The following SLC29A4 variants were observed in gnomAD, a reference collection of about 807,000 sequenced individuals.
SLC29A4 encodes the protein equilibrative nucleoside transporter 4.
A neutral mutation model predicts 43.9 loss-of-function variants in SLC29A4; 36 were observed. The observed-to-expected ratio is 0.82, with a 90% CI of 0.63 to 1.08. The LOEUF (loss-of-function observed/expected upper bound fraction) is 1.08, where lower values mean the gene tolerates loss of function less well. SLC29A4 is among the 50% of genes least tolerant of loss of function. SLC29A4 has a pLI of 0.00. For missense variants in SLC29A4, 869 were observed against 755.3 expected (o/e 1.15, Z -1.77); for synonymous variants, 491 against 338.0 (o/e 1.45, Z -4.97).
At chr7:5,297,579 C>T (rs1785799616) in intron 7 of SLC29A4, among the ~76,000 whole-genome samples, 3 of 152,246 alleles carry the variant, frequency 2.0e-5, no homozygotes, top group South Asian at 2.1e-4. Flanking sequence ...CCTGGCTGCG[C>T]CAACCCACGT....
chr7:5,292,523 C>T (rs979155922), intron 5 of SLC29A4, among the ~76,000 whole-genome samples: 5 of 152,014 alleles, frequency 3.3e-5, no homozygotes, highest in African/African-American at 4.8e-5. Flanking sequence ...CTCCCCCTCT[C>T]CCTCCACCCC....
intron 6 of SLC29A4, among the ~76,000 whole-genome samples, chr7:5,295,830 G>C (rs114517857): frequency 2.0e-5 from 3 of 152,118 alleles, no homozygotes; most frequent in South Asian, 2.1e-4. Context: ...GTGGCCGAGC[G>C]AGAGAGGGTG....
Position 5,295,957 on chromosome 7 carries a change from C to T in SLC29A4, c.620-979C>T, listed in dbSNP as rs114091752. Among the ~76,000 whole-genome samples the T allele has an allele frequency of 3.9e-3, 596 of 152,242 alleles. 6 individuals carry two copies. The highest frequency in any genetic ancestry group is 0.013 in the African/African-American group (541 of 41,578). ...GGTGGCCCACCATGGCCCACCATGGCCCTGACCCACCCTGCCTCACACTGG... is the reference window on the plus strand; with the variant it reads ...GGTGGCCCACCATGGCCCACCATGGTCCTGACCCACCCTGCCTCACACTGG... On this transcript the variant is annotated intron_variant, in intron 6 of 10. Transcript: ENST00000396872.
rs774237646 is a variant in SLC29A4, at chr7:5,294,950, C to T, written c.619+16C>T. ...ACCGGGGAGAGTGAGTATCTGCAGACCCCCCGGGGAGGGGGTGCTGGGCTG... is the reference window on the plus strand; with the variant it reads ...ACCGGGGAGAGTGAGTATCTGCAGATCCCCCGGGGAGGGGGTGCTGGGCTG... On this transcript the variant is annotated intron_variant, in intron 6 of 10. Coordinates refer to ENST00000396872, the MANE Select transcript of SLC29A4 (RefSeq NM_153247.4). 6.3e-7 allele frequency: 1 copy of T among 1,596,752 alleles called. No individual in the cohort carries two copies. Among genetic ancestry groups the T allele is most frequent in the Admixed American group, 1.7e-5 (1 of 57,640 alleles).
chr7:5,300,445 C>T lies in SLC29A4; in HGVS notation c.1233C>T (p.Asp411=). The T allele has an allele frequency of 1.2e-6, 2 of 1,611,346 alleles. No homozygotes were observed. Among genetic ancestry groups the T allele is most frequent in the Non-Finnish European group, 1.7e-6 (2 of 1,179,728 alleles). ...VGKILAALPV[D]WRGTHLLACS... is the part of the protein sequence containing the mutation. ...AGATCCTGGCAGCCCTGCCCGTGGA[C>T]TGGCGGGGCACCCACCTGCTGGCCT... Residue 411 remains aspartate (D), a synonymous_variant, in exon 10 of 11, where the codon GAC becomes GAT. Coordinates refer to ENST00000396872, the MANE Select transcript of SLC29A4 (RefSeq NM_153247.4).
Position 5,300,429 on chromosome 7 carries a change from C to T in SLC29A4, c.1217C>T (p.Ala406Val). ...NLSDFVGKIL[A>V]ALPVDWRGTH... ...TTGCCTGGCTCTCTGCAGATCCTGG[C>T]AGCCCTGCCCGTGGACTGGCGGGGC... The change falls in exon 10 of 11, where the codon GCA becomes GTA. Residue 406 changes from alanine (A) to valine (V), a missense_variant. Transcript: ENST00000396872. 3 of 1,611,270 alleles carry T rather than the reference C, an allele frequency of 1.9e-6. No individual in the cohort carries two copies. The highest frequency in any genetic ancestry group is 2.5e-6 in the Non-Finnish European group (3 of 1,179,678).
At chr7:5,283,874 T>G (rs1182572617) in intron 1 of SLC29A4, among the ~76,000 whole-genome samples, 2 of 152,214 alleles carry the variant, frequency 1.3e-5, no homozygotes, top group East Asian at 3.9e-4. Context: ...CCTTCCTGGC[T>G]GGCCGGAGGA....
At position 5,294,900 on chromosome 7, in the gene SLC29A4, C is replaced by G; in HGVS notation, c.585C>G (p.Pro195=). The G allele has an allele frequency of 6.2e-7, 1 of 1,611,300 alleles. No homozygotes were observed. The highest frequency in any genetic ancestry group is 8.5e-7 in the Non-Finnish European group (1 of 1,179,230). Reference sequence around the variant, plus strand: ...TCTACGGGTACACGGGGATGCTGCCCAAGCGGTACACGCAGGGGGTGATGA... The same window carrying G: ...TCTACGGGTACACGGGGATGCTGCCGAAGCGGTACACGCAGGGGGTGATGA... ...SSFYGYTGML[P]KRYTQGVMTG... Residue 195 remains proline (P), a synonymous_variant, in exon 6 of 11, where the codon CCC becomes CCG. Transcript: ENST00000396872.
chr7:5,288,848 C>T lies in SLC29A4; in HGVS notation c.169+863C>T, dbSNP rs182649536. Among the ~76,000 whole-genome samples, 55 of 152,274 alleles carry T rather than the reference C, an allele frequency of 3.6e-4. 1 individual carries two copies. In the East Asian group the frequency reaches 9.1e-3, roughly 25 times the overall value. Reference sequence around the variant, plus strand: ...TCAGACTTGCAGAGTGGACAGCCCACAGGCTTGGAGTCTGACAGGCTCGGG... The same window carrying T: ...TCAGACTTGCAGAGTGGACAGCCCATAGGCTTGGAGTCTGACAGGCTCGGG... On this transcript the variant is annotated intron_variant, in intron 2 of 10. Transcript: ENST00000396872.
rs557099380 is a variant in SLC29A4, at chr7:5,290,902, C to T, written c.301+39C>T. 4 of 1,580,958 alleles carry T rather than the reference C, an allele frequency of 2.5e-6. No homozygotes were observed. In the South Asian group the frequency reaches 4.6e-5, roughly 18 times the overall value. On this transcript the variant is annotated intron_variant, in intron 3 of 10. Coordinates refer to ENST00000396872, the MANE Select transcript of SLC29A4 (RefSeq NM_153247.4). ...CGGTCACGCCCAGCCACTCAGCATC[C>T]TCCATCATGGCCTGGGGCCTCCCAG...
intron 3 of SLC29A4, 55 bp from the exon 4 acceptor site, chr7:5,291,069 G>A: frequency 6.3e-7 from 1 of 1,592,862 alleles, no homozygotes; most frequent in Non-Finnish European, 8.6e-7. Context: ...CCTGGCAGGA[G>A]TCAGTGCAGG....
chr7:5,297,120 C>A lies in SLC29A4; in HGVS notation c.804C>A (p.Ser268Arg). Residue 268 changes from serine to arginine, a missense_variant, in exon 7 of 11, where the codon AGC becomes AGA. Coordinates refer to ENST00000396872, the MANE Select transcript of SLC29A4 (RefSeq NM_153247.4). ...VLFYTTRPRD[S>R]HRGRPGLGRG... The stretch of plus-strand genomic sequence containing the variant: ...TCTATACCACACGGCCGCGTGACAG[C>A]CACCGGGGCAGGCCAGGCCTGGGCA... 6.2e-7 allele frequency: 1 copy of A among 1,606,728 alleles called. No individual in the cohort carries two copies. Among genetic ancestry groups the A allele is most frequent in the Non-Finnish European group, 8.5e-7 (1 of 1,179,630 alleles).
chr7:5,289,465 C>A (rs892279769), intron 2 of SLC29A4, among the ~76,000 whole-genome samples: 1 of 152,132 alleles, frequency 6.6e-6, no homozygotes, highest in East Asian at 1.9e-4. Flanking sequence ...TCAGGAAGGT[C>A]ATGGACAGTC....
chr7:5,287,704 A>C (rs1183947970), intron 1 of SLC29A4, 105 bp from the exon 2 acceptor site: 4 of 1,194,940 alleles, frequency 3.3e-6, no homozygotes, highest in Non-Finnish European at 4.7e-6. Context: ...AGTGTGACCA[A>C]AGTGACATGT....
At chr7:5,283,176 C>T (rs1050027863) in intron 1 of SLC29A4, 94 bp downstream of exon 1, 6 of 149,428 alleles carry the variant, frequency 4.0e-5, no homozygotes, top group African/African-American at 1.5e-4. Flanking sequence ...CCCCTCCCGC[C>T]CGCCCGGGCG....
At chr7:5,286,274 T>C (rs779135613) in intron 1 of SLC29A4, among the ~76,000 whole-genome samples, 4 of 151,768 alleles carry the variant, frequency 2.6e-5, no homozygotes, top group South Asian at 2.1e-4. Flanking sequence ...CCTGTAATCC[T>C]AGCACTTTGG....
chr7:5,306,187 A>ATTTGTTTT lies in SLC29A4; in HGVS notation c.*3251_*3252insGTTTTTTT, dbSNP rs1333210739. 2.6e-5 allele frequency: 3 copies of ATTTGTTTT among 117,582 alleles called. No individual in the cohort carries two copies. The highest frequency in any genetic ancestry group is 2.7e-4 in the South Asian group (1 of 3,656). The allele number at this position is 117,582 out of a possible 1,614,324, so 7.3% of individuals were successfully genotyped here. On this transcript the variant is annotated 3_prime_UTR_variant, in exon 11 of 11. Coordinates refer to ENST00000396872, the MANE Select transcript of SLC29A4 (RefSeq NM_153247.4). ...ATTTTTTCTCATGTAAATTTGTTCAATTTCTTTTTTTTTTTTTTTTTTTTT... is the reference window on the plus strand; with the variant it reads ...ATTTTTTCTCATGTAAATTTGTTCAATTTGTTTTTTTCTTTTTTTTTTTTTTTTTTTTT...
chr7:5,297,652 C>A (rs1303506642), intron 7 of SLC29A4, among the ~76,000 whole-genome samples: 1 of 146,956 alleles, frequency 6.8e-6, no homozygotes, highest in African/African-American at 2.4e-5. Context: ...CAGCCTTCCT[C>A]CCTAGAGTCG....
intron 5 of SLC29A4, 109 bp from the exon 6 acceptor site, chr7:5,294,751 A>G: frequency 9.4e-7 from 1 of 1,068,144 alleles, no homozygotes; most frequent in Non-Finnish European, 1.5e-6. Context: ...TAGTGGTGTT[A>G]ACGGCTGTTT....
Sources: allele counts gnomAD v4.1 joint callset (sites outside exome capture counted in the v4.1 genomes callset), GRCh38; gene constraint gnomAD v4.1.1; transcripts MANE v1.5; gene names NCBI Gene and HGNC (gene_info 2026-07-23, HGNC 2026-07-21).